Variants in PLCB4 observed in about 807,000 individuals in gnomAD.
PLCB4 encodes the protein phospholipase C beta 4.
PLCB4 carries 77 observed loss-of-function variants against 178.8 expected under a neutral mutation model. The ratio of observed to expected loss-of-function variants is 0.43; its 90% CI spans 0.36 to 0.52. PLCB4 has a LOEUF of 0.52. Ranked by LOEUF, PLCB4 falls within the 20% of genes least tolerant of loss-of-function variation. The pLI, the probability that PLCB4 is intolerant of heterozygous loss-of-function variation, is 0.00. For synonymous variants in PLCB4, 496 were observed against 490.8 expected, an observed-to-expected ratio of 1.01 and a Z score of -0.14; for missense variants, 1,024 against 1,453.4, an observed-to-expected ratio of 0.70 and a Z score of 4.80.
intron 3 of PLCB4, among the ~76,000 whole-genome samples, chr20:9,264,168 A>T (rs2094325878): frequency 6.6e-6 from 1 of 152,190 alleles, no homozygotes; most frequent in Non-Finnish European, 1.5e-5. Flanking sequence ...GCAATTCAGA[A>T]ATCCATGCCA....
At chr20:9,363,073 G>A (rs1270540401) in intron 8 of PLCB4, 98 bp downstream of exon 8, 3 of 849,178 alleles carry the variant, frequency 3.5e-6, no homozygotes, top group Admixed American at 2.0e-5. Context: ...CCAAATTCCT[G>A]CTTGCCTTTC....
chr20:9,081,539 C>T (rs1283196603), intron 1 of PLCB4, among the ~76,000 whole-genome samples: 1 of 152,102 alleles, frequency 6.6e-6, no homozygotes, highest in African/African-American at 2.4e-5. Flanking sequence ...TTGTCATCTT[C>T]CTGTAAAGCC....
At chr20:9,434,259 G>T (rs2041617984) in intron 28 of PLCB4, among the ~76,000 whole-genome samples, 1 of 152,338 alleles carries the variant, frequency 6.6e-6, no homozygotes, top group Non-Finnish European at 1.5e-5. Flanking sequence ...AAGGATACAA[G>T]AAATGGATAA....
At chr20:9,132,219 C>T (rs543901771) in intron 2 of PLCB4, among the ~76,000 whole-genome samples, 8 of 152,226 alleles carry the variant, frequency 5.3e-5, no homozygotes, top group African/African-American at 1.4e-4. Context: ...TGTTGTGGCT[C>T]ATAGAAGACT....
rs959543542 is a variant in PLCB4 at position 9,095,934 on chromosome 20, G to A, written c.-134-353G>A. On this transcript the variant is annotated intron_variant, in intron 1 of 39. Transcript: ENST00000378473. The stretch of plus-strand genomic sequence containing the variant: ...TGGAGTTTTATATATTTCCTTCTTT[G>A]TTTATACATTTACTTTATGGAATTA... Among the ~76,000 whole-genome samples the A allele has an allele frequency of 2.0e-5, 3 of 151,992 alleles. No individual in the cohort carries two copies. In the East Asian group the frequency reaches 5.8e-4, roughly 29 times the overall value.
chr20:9,277,897 G>T (rs1463965074), intron 3 of PLCB4, among the ~76,000 whole-genome samples: 1 of 151,994 alleles, frequency 6.6e-6, no homozygotes, highest in Non-Finnish European at 1.5e-5. Flanking sequence ...TGATCATTTT[G>T]CCCTGTGTCT....
In PLCB4 at chr20:9,338,900, A is replaced by G; in HGVS notation, c.232A>G (p.Lys78Glu). 1 of 1,612,966 alleles carries G rather than the reference A, an allele frequency of 6.2e-7. No homozygotes were observed. Among genetic ancestry groups the G allele is most frequent in the Non-Finnish European group, 8.5e-7 (1 of 1,179,320 alleles). The stretch of plus-strand genomic sequence containing the variant: ...TCTGTGTACCTCTATACAGGATCCC[A>G]AAATCTTGGCTGCTCTTGAAGCTGT... ...IRSGAIPKDP[K>E]ILAALEAVGK... The change falls in exon 7 of 40, where the codon AAA becomes GAA. Residue 78 changes from lysine (K) to glutamate (E), a missense_variant. Lys to Glu is a moderately conservative substitution (Grantham distance 56). This residue lies in a region of PLCB4 where 225 missense variants were observed against 291.0 expected (regional missense o/e 0.77). Transcript: ENST00000378473.
intron 3 of PLCB4, among the ~76,000 whole-genome samples, chr20:9,267,788 A>G (rs943980838): frequency 1.3e-5 from 2 of 152,164 alleles, no homozygotes; most frequent in East Asian, 3.9e-4. Context: ...TGCTTGATTC[A>G]TGATGGCCCT....
intron 2 of PLCB4, among the ~76,000 whole-genome samples, chr20:9,182,115 T>A (rs2093256173): frequency 1.3e-5 from 2 of 152,232 alleles, no homozygotes; most frequent in South Asian, 4.1e-4. Context: ...ATAAGTTTTG[T>A]ATAAATGAAT....
rs772123872 is a variant in PLCB4 at position 9,411,067 on chromosome 20, T to C, written c.2030T>C (p.Phe677Ser). Reference protein sequence around the residue: ...DLAMQLNQGKFEYNGSCGYLL... With the variant: ...DLAMQLNQGKSEYNGSCGYLL... The stretch of plus-strand genomic sequence containing the variant: ...GCGATGCAATTGAATCAGGGAAAAT[T>C]TGAGTATAATGGATCGTGCGGGTGA... Residue 677 changes from phenylalanine to serine, a missense_variant, in exon 25 of 40, where the codon TTT becomes TCT. Phe to Ser is a radical substitution (Grantham distance 155). Coordinates refer to ENST00000378473, the MANE Select transcript of PLCB4 (RefSeq NM_001377142.1). 1.9e-6 allele frequency: 3 copies of C among 1,610,758 alleles called. No individual in the cohort carries two copies. Among genetic ancestry groups the C allele is most frequent in the Non-Finnish European group, 2.5e-6 (3 of 1,177,160 alleles).
At chr20:9,351,239 G>T (rs1568633691) in intron 7 of PLCB4, among the ~76,000 whole-genome samples, 1 of 151,826 alleles carries the variant, frequency 6.6e-6, no homozygotes, top group Non-Finnish European at 1.5e-5. Flanking sequence ...ACAACGTGCA[G>T]GTTAGTTACA....
At chr20:9,328,181 G>A (rs6056551) in intron 4 of PLCB4, among the ~76,000 whole-genome samples, 55,017 of 152,026 alleles carry the variant, frequency 0.36, 14,494 homozygotes, top group African/African-American at 0.75. Context: ...AACAAGCAGC[G>A]AAAATGATCT....
At chr20:9,260,039 A>G (rs2094281116) in intron 3 of PLCB4, among the ~76,000 whole-genome samples, 1 of 152,142 alleles carries the variant, frequency 6.6e-6, no homozygotes, top group Non-Finnish European at 1.5e-5. Flanking sequence ...AATGGAAATT[A>G]GAAATGATTT....
intron 38 of PLCB4, among the ~76,000 whole-genome samples, chr20:9,475,526 T>C (rs975865742): frequency 1.2e-4 from 19 of 152,148 alleles, no homozygotes; most frequent in African/African-American, 4.1e-4. Context: ...TCACAAAAGC[T>C]TGGGAAAGCA....
At chr20:9,371,034 A>C in intron 9 of PLCB4, 180 bp from the exon 10 acceptor site, 3 of 564,118 alleles carry the variant, frequency 5.3e-6, no homozygotes, top group Non-Finnish European at 9.5e-6. Context: ...AGCTCTGGGA[A>C]CCAGAGGGAC....
intron 2 of PLCB4, among the ~76,000 whole-genome samples, chr20:9,160,282 G>A (rs767727596): frequency 6.6e-6 from 1 of 152,152 alleles, no homozygotes; most frequent in Non-Finnish European, 1.5e-5. Context: ...ACCAGAGCTC[G>A]TTAGAAGTGT....
chr20:9,150,236 A>G (rs1439270536), intron 2 of PLCB4, among the ~76,000 whole-genome samples: 3 of 152,186 alleles, frequency 2.0e-5, no homozygotes, highest in Non-Finnish European at 2.9e-5. Flanking sequence ...GCTCAACACT[A>G]TTAGTTAACA....
In PLCB4 at chr20:9,074,807, TAAACA is replaced by T. The variant is rs138068127; in HGVS notation, c.-135+5642_-135+5646del. 3.7e-3 allele frequency among the ~76,000 whole-genome samples: 457 copies of T among 123,424 alleles called. 13 individuals are homozygous for T. The highest frequency in any genetic ancestry group is 4.8e-3 in the Non-Finnish European group (293 of 60,568). 81.0% of individuals were successfully genotyped at this position (123,424 alleles called of 152,430 possible). ...CCAGCTAGGCTTTTTTTTTTTTTTT[TAAACA>T]AAACAAAACAAAACAAAACAAAACA... On this transcript the variant is annotated intron_variant, in intron 1 of 39. Transcript: ENST00000378473.
intron 2 of PLCB4, among the ~76,000 whole-genome samples, chr20:9,132,999 C>A (rs1192020808): frequency 6.6e-6 from 1 of 152,098 alleles, no homozygotes; most frequent in Non-Finnish European, 1.5e-5. Context: ...AAGGAATTAA[C>A]CAGCCCAAAA....
Sources: allele counts gnomAD v4.1 joint callset (sites outside exome capture counted in the v4.1 genomes callset), GRCh38; gene constraint gnomAD v4.1.1; regional missense constraint gnomAD v4.1.1; transcripts MANE v1.5; gene names NCBI Gene and HGNC (gene_info 2026-07-23, HGNC 2026-07-21).